Variants in AK9 observed in about 807,000 individuals in gnomAD.
AK9 encodes the protein adenylate kinase domain containing 1.
AK9 carries 191 observed loss-of-function variants against 239.6 expected under a neutral mutation model. The observed-to-expected ratio is 0.80, with a 90% CI of 0.71 to 0.90. The LOEUF (loss-of-function observed/expected upper bound fraction) is 0.90, where lower values mean the gene tolerates loss of function less well. Ranked by LOEUF, AK9 falls within the 40% of genes least tolerant of loss-of-function variation. The pLI, the probability that AK9 is intolerant of heterozygous loss-of-function variation, is 0.00. For synonymous variants in AK9, 689 were observed against 721.0 expected (o/e 0.96, Z 0.71); for missense variants, 1,995 against 2,214.7 (o/e 0.90, Z 1.99).
chr6:109,580,087 T>C (rs993112295), intron 19 of AK9, among the ~76,000 whole-genome samples: 15 of 152,344 alleles, frequency 9.8e-5, no homozygotes, highest in African/African-American at 2.4e-4. Context: ...ACATGGATGA[T>C]GGCATATAAG....
At chr6:109,562,650 TG>T (rs754536699) in intron 24 of AK9, among the ~76,000 whole-genome samples, 7 of 152,136 alleles carry the variant, frequency 4.6e-5, no homozygotes, top group African/African-American at 1.7e-4. Context: ...TGCTTTTTGA[TG>T]GGGGGGCCAA....
Position 109,493,125 on chromosome 6 carries a change from G to T in AK9, c.*244C>A, listed in dbSNP as rs1030140596. 3.0e-6 allele frequency: 1 copy of T among 336,948 alleles called. No individual in the cohort carries two copies. The highest frequency in any genetic ancestry group is 5.3e-6 in the Non-Finnish European group (1 of 187,236). 20.9% of individuals were successfully genotyped at this position (336,948 alleles called of 1,614,324 possible). On this transcript the variant is annotated 3_prime_UTR_variant, in exon 41 of 41. Transcript: ENST00000424296. The stretch of plus-strand genomic sequence containing the variant: ...GAATTATAAATAGAATGTTTATTTT[G>T]TTAAAGCATCAAAGTTCAGGCAAAG...
Position 109,529,025 on chromosome 6 carries a change from T to A in AK9, c.3619A>T (p.Lys1207Ter). 6.2e-7 allele frequency: 1 copy of A among 1,604,248 alleles called. No individual in the cohort carries two copies. Among genetic ancestry groups the A allele is most frequent in the Middle Eastern group, 1.7e-4 (1 of 5,980 alleles). The change falls in exon 29 of 41, where the codon AAA (lysine) becomes TAA (stop). Residue 1207 changes from lysine to a stop codon, truncating the protein, a stop_gained. Transcript: ENST00000424296. LOFTEE classifies it high-confidence loss of function. ...AAACTACTTACCTCCCTCCTTTTTT[T>A]ATCTCTCTCTAATATAAGTTCAGCC... ...RRAELILERD[K>*]KRRENVVRDD...
At chr6:109,533,040 C>A (rs10782163) in intron 28 of AK9, among the ~76,000 whole-genome samples, 52,487 of 151,932 alleles carry the variant, frequency 0.35, 9,541 homozygotes, top group South Asian at 0.44. Context: ...TTTCATTTGC[C>A]ATAAAGAGAG....
intron 1 of AK9, among the ~76,000 whole-genome samples, chr6:109,676,430 GTTTA>G (rs1178604628): frequency 2.6e-5 from 4 of 151,992 alleles, no homozygotes; most frequent in African/African-American, 9.7e-5. Context: ...GGTCACAACA[GTTTA>G]TTTGTTTTTG....
At position 109,545,966 on chromosome 6, in the gene AK9, A is replaced by T. The variant is rs1459782905; in HGVS notation, c.3126T>A (p.Phe1042Leu). 6.2e-7 allele frequency: 1 copy of T among 1,614,024 alleles called. No individual in the cohort carries two copies. Among genetic ancestry groups the T allele is most frequent in the African/African-American group, 1.3e-5 (1 of 74,918 alleles). The part of the protein sequence containing the change: ...LKTEKKVGPE[F>L]EEDSENEQAA... ...CTTGCTCGTTCTCAGAATCTTCCTC[A>T]AATTCAGGTCCCACTTTCTTTTCAG... is the stretch of plus-strand genomic sequence containing the variant. The change falls in exon 26 of 41, where the codon TTT becomes TTA. Residue 1042 changes from phenylalanine (F) to leucine (L), a missense_variant. Physicochemically the swap from Phe to Leu is conservative, Grantham distance 22. This residue lies in a region of AK9 where 1,290 missense variants were observed against 1,392.7 expected (regional missense o/e 0.93). Coordinates refer to ENST00000424296, the MANE Select transcript of AK9 (RefSeq NM_001145128.3).
At chr6:109,684,255 G>T (rs997549277) in intron 1 of AK9, among the ~76,000 whole-genome samples, 2 of 152,154 alleles carry the variant, frequency 1.3e-5, no homozygotes, top group Admixed American at 1.3e-4. Context: ...ACTCAAGATG[G>T]ATGAAAGACT....
At chr6:109,660,506 C>A (rs9480990) in intron 6 of AK9, among the ~76,000 whole-genome samples, 10,927 of 152,154 alleles carry the variant, frequency 0.072, 600 homozygotes, top group East Asian at 0.15. Flanking sequence ...TTTCTTCATG[C>A]CATCTCTAGA....
At chr6:109,622,204 A>G (rs1291126174) in intron 12 of AK9, among the ~76,000 whole-genome samples, 1 of 145,172 alleles carries the variant, frequency 6.9e-6, no homozygotes, top group Non-Finnish European at 1.5e-5. Context: ...TACATATTGT[A>G]TATATTTTAG....
chr6:109,499,991 TTTGGCCGTTTTAGTTC>T (rs1203480218), intron 35 of AK9, among the ~76,000 whole-genome samples: 2 of 151,636 alleles, frequency 1.3e-5, no homozygotes, highest in Non-Finnish European at 2.9e-5. Flanking sequence ...TGGTGAATGT[TTTGGCCGTTTTAGTTC>T]TTAGCTATTA....
At chr6:109,612,989 T>C (rs949139190) in intron 15 of AK9, among the ~76,000 whole-genome samples, 1 of 148,640 alleles carries the variant, frequency 6.7e-6, no homozygotes, top group Non-Finnish European at 1.5e-5. Context: ...CTTCCTCTCA[T>C]TTATATAATT....
At chr6:109,616,194 T>C (rs1794172519) in intron 13 of AK9, among the ~76,000 whole-genome samples, 1 of 152,146 alleles carries the variant, frequency 6.6e-6, no homozygotes, top group South Asian at 2.1e-4. Context: ...TCTTTTCAAA[T>C]TATGTGATTA....
chr6:109,644,544 G>T, intron 9 of AK9, 70 bp downstream of exon 9: 1 of 1,297,738 alleles, frequency 7.7e-7, no homozygotes, highest in Non-Finnish European at 1.1e-6. Context: ...TTTATTAAAA[G>T]AAGTACAATA....
intron 20 of AK9, among the ~76,000 whole-genome samples, chr6:109,578,675 T>A (rs1170961245): frequency 6.6e-6 from 1 of 152,152 alleles, no homozygotes; most frequent in Admixed American, 6.6e-5. Context: ...ATGTAAGCAT[T>A]TAATACTATG....
At chr6:109,581,266 C>A (rs1788826127) in intron 19 of AK9, among the ~76,000 whole-genome samples, 1 of 152,130 alleles carries the variant, frequency 6.6e-6, no homozygotes, top group African/African-American at 2.4e-5. Context: ...CCACATTTGT[C>A]ACTTTAAATC....
At chr6:109,538,167 T>C (rs1782297484) in intron 27 of AK9, among the ~76,000 whole-genome samples, 1 of 152,178 alleles carries the variant, frequency 6.6e-6, no homozygotes, top group Non-Finnish European at 1.5e-5. Flanking sequence ...CCTTGTGAAC[T>C]TTCTGTCTCG....
chr6:109,638,253 A>C (rs1583362096), intron 10 of AK9, among the ~76,000 whole-genome samples: 2 of 152,106 alleles, frequency 1.3e-5, no homozygotes, highest in African/African-American at 4.8e-5. Flanking sequence ...GACCTAGAAC[A>C]GGAGGCCTCA....
At chr6:109,640,267 T>C (rs4946997) in intron 10 of AK9, among the ~76,000 whole-genome samples, 108,256 of 151,994 alleles carry the variant, frequency 0.71, 39,044 homozygotes, top group East Asian at 0.99. Flanking sequence ...CCTGGTCTGC[T>C]GTTTGCTAAG....
chr6:109,515,753 ACT>A, intron 31 of AK9, 102 bp downstream of exon 31: 1 of 1,050,482 alleles, frequency 9.5e-7, no homozygotes. Context: ...ACTACACAAT[ACT>A]TACAATTTTT....
Sources: allele counts gnomAD v4.1 joint callset (sites outside exome capture counted in the v4.1 genomes callset), GRCh38; gene constraint gnomAD v4.1.1; regional missense constraint gnomAD v4.1.1; transcripts MANE v1.5; gene names NCBI Gene and HGNC (gene_info 2026-07-23, HGNC 2026-07-21).